Variants in FAM47E observed in about 807,000 individuals in gnomAD.
FAM47E encodes the protein family with sequence similarity 47 member E, also known as protein FAM47E.
A neutral mutation model predicts 41.6 loss-of-function variants in FAM47E; 32 were observed. That is an observed-to-expected ratio of 0.77 (90% CI 0.58 to 1.03). The LOEUF (loss-of-function observed/expected upper bound fraction) is 1.03. FAM47E is among the 50% of genes least tolerant of loss of function. The pLI is 0.00. For missense variants in FAM47E, 424 were observed against 485.4 expected (o/e 0.87, Z 1.19); for synonymous variants, 184 against 188.7 (o/e 0.98, Z 0.20).
At chr4:76,237,097 G>A (rs1264091622) in intron 2 of FAM47E, among the ~76,000 whole-genome samples, 1 of 151,712 alleles carries the variant, frequency 6.6e-6, no homozygotes, top group African/African-American at 2.4e-5. Flanking sequence ...AGGTTTCACC[G>A]TGTTAGGCAG....
intron 2 of FAM47E, among the ~76,000 whole-genome samples, chr4:76,242,346 G>C (rs1208774563): frequency 1.3e-5 from 2 of 152,162 alleles, no homozygotes; most frequent in Admixed American, 1.3e-4. Flanking sequence ...TGCTCCCACT[G>C]TCACCAAGTG....
chr4:76,222,630 G>C (rs566731152), intron 2 of FAM47E, among the ~76,000 whole-genome samples: 55 of 152,260 alleles, frequency 3.6e-4, no homozygotes, highest in African/African-American at 1.3e-3. Context: ...GAGGGTTTTG[G>C]TCCTTCACAT....
chr4:76,238,066 G>A (rs908954160), intron 2 of FAM47E, among the ~76,000 whole-genome samples: 2 of 152,244 alleles, frequency 1.3e-5, no homozygotes, highest in African/African-American at 4.8e-5. Flanking sequence ...GGGAAGATAG[G>A]TGAGCAGGCC....
intron 3 of FAM47E, among the ~76,000 whole-genome samples, chr4:76,265,987 C>T (rs983372393): frequency 2.6e-5 from 4 of 152,214 alleles, no homozygotes; most frequent in South Asian, 2.1e-4. Context: ...CTCTTATCTC[C>T]ACCACTCCAC....
At chr4:76,263,652 T>A in intron 2 of FAM47E, 52 bp from the exon 3 acceptor site, 1 of 1,532,138 alleles carries the variant, frequency 6.5e-7, no homozygotes, top group Non-Finnish European at 8.8e-7. Flanking sequence ...GAATGGGGAC[T>A]CCCTTCTTCA....
intron 2 of FAM47E, chr4:76,217,740 G>A (rs1733235636): frequency 2.0e-6 from 1 of 511,658 alleles, no homozygotes; most frequent in East Asian, 3.1e-5. Flanking sequence ...GGAGACTGAT[G>A]CTGTGGCAAG....
chr4:76,229,269 C>T (rs558153863), intron 2 of FAM47E, among the ~76,000 whole-genome samples: 447 of 152,102 alleles, frequency 2.9e-3, no homozygotes, highest in Non-Finnish European at 5.3e-3. Context: ...AATTTCTTTA[C>T]GTTGGTTTTC....
intron 2 of FAM47E, among the ~76,000 whole-genome samples, chr4:76,260,039 A>G (rs988803562): frequency 6.6e-6 from 1 of 152,210 alleles, no homozygotes; most frequent in South Asian, 2.1e-4. Context: ...GGGAACTACA[A>G]AACACTGATG....
At chr4:76,264,255 T>C (rs1020797826) in intron 3 of FAM47E, among the ~76,000 whole-genome samples, 5 of 152,174 alleles carry the variant, frequency 3.3e-5, no homozygotes, top group African/African-American at 9.6e-5. Flanking sequence ...TGGAGGGCAG[T>C]GAAGAGATCA....
At chr4:76,252,269 G>A (rs989615672) in intron 1 of FAM47E, among the ~76,000 whole-genome samples, 1 of 152,130 alleles carries the variant, frequency 6.6e-6, no homozygotes, top group East Asian at 1.9e-4. Flanking sequence ...GCCAAGTGGA[G>A]CCCAGGGTTG....
At chr4:76,281,693 A>AT (rs1735352329) in intron 7 of FAM47E, 1 of 151,846 alleles carries the variant, frequency 6.6e-6, no homozygotes, top group African/African-American at 2.4e-5. Context: ...TGTGTTCCCT[A>AT]TTGATTTAAT....
At chr4:76,220,685 T>C (rs1371120886) in intron 2 of FAM47E, among the ~76,000 whole-genome samples, 1 of 152,224 alleles carries the variant, frequency 6.6e-6, no homozygotes, top group Non-Finnish European at 1.5e-5. Flanking sequence ...CTTTTCTTTC[T>C]CATCTGCCAT....
Position 76,271,784 on chromosome 4 carries a change from G to A in FAM47E, c.870+16G>A. 1.3e-6 allele frequency: 2 copies of A among 1,542,982 alleles called. No homozygotes were observed. Among genetic ancestry groups the A allele is most frequent in the Non-Finnish European group, 1.7e-6 (2 of 1,143,156 alleles). On this transcript the variant is annotated intron_variant, in intron 5 of 7. Transcript: ENST00000424749. ...GAAACCACAGGTAATTGCAGAAGGG[G>A]ACCAGACCGAAAATCAAAGAAAATT...
At chr4:76,235,188 G>A (rs1415776327) in intron 2 of FAM47E, among the ~76,000 whole-genome samples, 3 of 152,026 alleles carry the variant, frequency 2.0e-5, no homozygotes, top group African/African-American at 4.8e-5. Flanking sequence ...CGTGGTGGCG[G>A]GCTTCTGTAG....
chr4:76,232,360 C>G (rs1313131687), intron 2 of FAM47E, among the ~76,000 whole-genome samples: 1 of 151,974 alleles, frequency 6.6e-6, no homozygotes, highest in African/African-American at 2.4e-5. Flanking sequence ...CCAAAGTTAT[C>G]AGAAGCCTGT....
At chr4:76,262,891 A>T (rs1424293745) in intron 2 of FAM47E, among the ~76,000 whole-genome samples, 4 of 152,198 alleles carry the variant, frequency 2.6e-5, no homozygotes. Context: ...GCCTCCAAGT[A>T]TCTAGGACTA....
intron 2 of FAM47E, among the ~76,000 whole-genome samples, chr4:76,237,342 G>T (rs1263354811): frequency 1.4e-5 from 2 of 138,708 alleles, no homozygotes; most frequent in Non-Finnish European, 3.1e-5. Flanking sequence ...ATGGTTGAGG[G>T]GCCTTAGAGT....
In FAM47E at chr4:76,251,797, C is replaced by A; in HGVS notation, c.51C>A (p.Arg17=). Residue 17 remains arginine, a synonymous_variant, in exon 1 of 8, where the codon CGC becomes CGA. Transcript: ENST00000424749. Reference sequence around the variant, plus strand: ...GGCCGGGGACGTTGGCCCCGGTGCGCGAGGGCGTGAACTGCAGGTCCAGGT... The same window carrying A: ...GGCCGGGGACGTTGGCCCCGGTGCGAGAGGGCGTGAACTGCAGGTCCAGGT... ...RLRPGTLAPV[R]EGVNCRSRCF... is the part of the protein sequence containing the mutation. 2 of 1,488,822 alleles carry A rather than the reference C, an allele frequency of 1.3e-6. No individual in the cohort carries two copies. Among genetic ancestry groups the A allele is most frequent in the Non-Finnish European group, 1.8e-6 (2 of 1,125,570 alleles). The allele number at this position is 1,488,822 out of a possible 1,614,324, so 92.2% of individuals were successfully genotyped here.
intron 2 of FAM47E, among the ~76,000 whole-genome samples, chr4:76,257,975 G>T (rs1253417795): frequency 2.0e-5 from 3 of 151,748 alleles, no homozygotes; most frequent in African/African-American, 7.3e-5. Flanking sequence ...CTACAGAAAG[G>T]ACAGCTAGAA....
Sources: allele counts gnomAD v4.1 joint callset (sites outside exome capture counted in the v4.1 genomes callset), GRCh38; gene constraint gnomAD v4.1.1; transcripts MANE v1.5; gene names NCBI Gene and HGNC (gene_info 2026-07-23, HGNC 2026-07-21).